EFR3B: variants seen among roughly 807,000 people sequenced by gnomAD.
EFR3B encodes EFR3 homolog B.
In EFR3B, 64 loss-of-function variants were observed where a neutral mutation model predicts 104.7. That is an observed-to-expected ratio of 0.61 (90% CI 0.50 to 0.75). The LOEUF (loss-of-function observed/expected upper bound fraction) is 0.75. EFR3B is among the 30% of genes least tolerant of loss of function. The probability of loss-of-function intolerance (pLI) is 0.00; values close to 1 mark genes in which losing one functional copy is unlikely to be tolerated. For missense variants in EFR3B, 750 were observed against 1,078.5 expected (o/e 0.70, Z 4.27); for synonymous variants, 385 against 417.9 (o/e 0.92, Z 0.96).
At chr2:25,094,282 C>CAAAAAAAA (rs11455802) in intron 3 of EFR3B, among the ~76,000 whole-genome samples, 156 of 88,790 alleles carry the variant, frequency 1.8e-3, no homozygotes, top group Middle Eastern at 0.013. Flanking sequence ...GAGACTGTCT[C>CAAAAAAAA]AAAAAAAAAA....
intron 1 of EFR3B, among the ~76,000 whole-genome samples, chr2:25,052,770 T>C (rs1022845834): frequency 1.3e-5 from 2 of 151,940 alleles, no homozygotes; most frequent in Non-Finnish European, 2.9e-5. Flanking sequence ...CCCAAAGTGC[T>C]GGGATTACAG....
intron 1 of EFR3B, among the ~76,000 whole-genome samples, chr2:25,050,822 G>C (rs1667845725): frequency 2.0e-5 from 3 of 152,220 alleles, no homozygotes; most frequent in South Asian, 4.1e-4. Context: ...AGATTGCCTA[G>C]GACGAATACA....
intron 1 of EFR3B, among the ~76,000 whole-genome samples, chr2:25,045,674 C>T (rs1312020679): frequency 1.3e-5 from 2 of 151,684 alleles, no homozygotes; most frequent in African/African-American, 2.4e-5. Context: ...CCCGGTTACT[C>T]GGGAGACTGA....
At chr2:25,104,201 A>C (rs1669503030) in intron 4 of EFR3B, among the ~76,000 whole-genome samples, 1 of 151,806 alleles carries the variant, frequency 6.6e-6, no homozygotes, top group African/African-American at 2.4e-5. Context: ...TACAAAAAAA[A>C]ACAAAAACAA....
chr2:25,089,385 T>G (rs182664717), intron 1 of EFR3B, among the ~76,000 whole-genome samples: 1 of 152,232 alleles, frequency 6.6e-6, no homozygotes, highest in Admixed American at 6.5e-5. Flanking sequence ...CACAGGCCCT[T>G]CAGAAAGTTT....
chr2:25,088,862 A>G (rs377110566), intron 1 of EFR3B, among the ~76,000 whole-genome samples: 3 of 152,142 alleles, frequency 2.0e-5, no homozygotes, highest in East Asian at 3.8e-4. Context: ...AAGACAAGAA[A>G]GAAGTGTTGG....
chr2:25,120,614 AG>A (rs1334254564), intron 4 of EFR3B, among the ~76,000 whole-genome samples: 1 of 151,928 alleles, frequency 6.6e-6, no homozygotes, highest in African/African-American at 2.4e-5. Flanking sequence ...ACTGCACTCC[AG>A]CCTGGCGACA....
At chr2:25,120,534 C>T (rs1669983879) in intron 4 of EFR3B, among the ~76,000 whole-genome samples, 1 of 151,974 alleles carries the variant, frequency 6.6e-6, no homozygotes, top group Non-Finnish European at 1.5e-5. Flanking sequence ...GTCCCAGCTA[C>T]CCAGGAGGCT....
chr2:25,067,330 C>T (rs1668363784), intron 1 of EFR3B, among the ~76,000 whole-genome samples: 1 of 151,994 alleles, frequency 6.6e-6, no homozygotes, highest in Non-Finnish European at 1.5e-5. Context: ...ATATTTCACG[C>T]ACATATTTAC....
Position 25,067,837 on chromosome 2 carries a change from C to CT in EFR3B, c.8-23480dup, listed in dbSNP as rs568979216. ...TCTATTTTCTTTTTTAATGTTAAAACTTTTTTTTCTTTTGGAAAAAAAAAT... is the reference window on the plus strand; with the variant it reads ...TCTATTTTCTTTTTTAATGTTAAAACTTTTTTTTTCTTTTGGAAAAAAAAAT... On this transcript the variant is annotated intron_variant, in intron 1 of 22. Coordinates refer to ENST00000403714, the MANE Select transcript of EFR3B (RefSeq NM_014971.2). Among the ~76,000 whole-genome samples the CT allele has an allele frequency of 1.7e-3, 259 of 152,012 alleles. 3 individuals carry two copies. The highest frequency in any genetic ancestry group is 6.0e-3 in the African/African-American group (247 of 41,442).
intron 15 of EFR3B, among the ~76,000 whole-genome samples, chr2:25,138,857 G>A (rs981145455): frequency 3.3e-5 from 5 of 152,108 alleles, no homozygotes; most frequent in African/African-American, 7.2e-5. Flanking sequence ...CCCAGTTCAC[G>A]GACTGTTCTA....
intron 5 of EFR3B, among the ~76,000 whole-genome samples, chr2:25,123,303 T>A (rs566944627): frequency 1.9e-3 from 294 of 150,772 alleles, no homozygotes; most frequent in Non-Finnish European, 3.3e-3. Flanking sequence ...GAGGCTGCAG[T>A]GAGCCATGAT....
chr2:25,097,804 C>T (rs896532257), intron 3 of EFR3B, among the ~76,000 whole-genome samples: 2 of 152,096 alleles, frequency 1.3e-5, no homozygotes, highest in Non-Finnish European at 2.9e-5. Flanking sequence ...GAAGGGAGAG[C>T]AGGGGAGGGA....
intron 1 of EFR3B, chr2:25,080,734 T>G: frequency 8.0e-7 from 1 of 1,251,366 alleles, no homozygotes; most frequent in Non-Finnish European, 1.1e-6. Flanking sequence ...GGTTCAGTCC[T>G]GTAGATCAAA....
At chr2:25,152,812 A>G (rs1671049733) in intron 21 of EFR3B, among the ~76,000 whole-genome samples, 1 of 83,890 alleles carries the variant, frequency 1.2e-5, no homozygotes, top group South Asian at 4.3e-4. Context: ...ATTCATATAG[A>G]AGTGTGTGTG....
intron 1 of EFR3B, among the ~76,000 whole-genome samples, chr2:25,045,576 G>C (rs559072414): frequency 6.6e-6 from 1 of 152,088 alleles, no homozygotes; most frequent in South Asian, 2.1e-4. Flanking sequence ...GAGGTCAGGA[G>C]GTCAAGACCA....
chr2:25,109,614 A>G (rs1669664102), intron 4 of EFR3B, among the ~76,000 whole-genome samples: 1 of 152,204 alleles, frequency 6.6e-6, no homozygotes, highest in Admixed American at 6.5e-5. Flanking sequence ...AGGTAGAAAC[A>G]ACCAAAAAGG....
At chr2:25,145,598 T>G (rs1670792226) in intron 19 of EFR3B, 13 of 154,600 alleles carry the variant, frequency 8.4e-5, no homozygotes, top group Non-Finnish European at 1.6e-4. Context: ...AAAGGCATGC[T>G]GGTCATCATT....
At chr2:25,080,126 G>T in intron 1 of EFR3B, 2 of 1,078,282 alleles carry the variant, frequency 1.9e-6, no homozygotes, top group Non-Finnish European at 2.9e-6. Flanking sequence ...ACTATACCCT[G>T]TGCAATAACA....
Sources: gnomAD v4.1 joint callset for allele counts (sites outside exome capture counted in the v4.1 genomes callset) on GRCh38, gnomAD v4.1.1 for gene constraint, MANE v1.5 for transcripts, NCBI Gene and HGNC (gene_info 2026-07-23, HGNC 2026-07-21) for gene names.